Variants in SGSM2 observed in about 807,000 individuals in gnomAD.
SGSM2 encodes the protein RUN and TBC1 domain containing 1.
Under a neutral mutation model 126.6 loss-of-function variants are expected in SGSM2, and 89 were observed. The observed-to-expected ratio is 0.70, with a 90% confidence interval of 0.59 to 0.84. SGSM2 has a LOEUF of 0.84. SGSM2 is among the 40% of genes least tolerant of loss of function. The pLI, the probability that SGSM2 is intolerant of heterozygous loss-of-function variation, is 0.00. For missense variants in SGSM2, 1,404 were observed against 1,416.6 expected, an observed-to-expected ratio of 0.99 and a Z score of 0.14; for synonymous variants, 614 against 574.3, an observed-to-expected ratio of 1.07 and a Z score of -0.99.
At chr17:2,354,928 G>A (rs1331742604) in intron 2 of SGSM2, among the ~76,000 whole-genome samples, 2 of 140,254 alleles carry the variant, frequency 1.4e-5, no homozygotes, top group Non-Finnish European at 3.0e-5. Context: ...GTGGAATCGG[G>A]GTGTAAGCGT....
At chr17:2,352,875 T>C (rs1460946861) in intron 2 of SGSM2, among the ~76,000 whole-genome samples, 1 of 133,644 alleles carries the variant, frequency 7.5e-6, no homozygotes, top group African/African-American at 3.0e-5. Context: ...CCTCCCGGGT[T>C]CACGCCATTC....
At chr17:2,339,331 G>C (rs1434058286) in intron 1 of SGSM2, among the ~76,000 whole-genome samples, 1 of 152,092 alleles carries the variant, frequency 6.6e-6, no homozygotes, top group African/African-American at 2.4e-5. Context: ...AGCTACTCGG[G>C]AGGCTGTGGC....
At chr17:2,378,076 C>A in intron 22 of SGSM2, 123 bp downstream of exon 22, 1 of 606,326 alleles carries the variant, frequency 1.6e-6, no homozygotes, top group Non-Finnish European at 2.9e-6. Context: ...TAAAACCTGC[C>A]AGAACCCTGG....
At chr17:2,371,884 T>A in intron 13 of SGSM2, 1 of 455,128 alleles carries the variant, frequency 2.2e-6, no homozygotes, top group African/African-American at 2.0e-5. Flanking sequence ...GTCTTCCGTT[T>A]ATTAATCCTG....
At chr17:2,345,041 C>T (rs1000243493) in intron 2 of SGSM2, among the ~76,000 whole-genome samples, 4 of 152,024 alleles carry the variant, frequency 2.6e-5, no homozygotes, top group African/African-American at 9.7e-5. Flanking sequence ...TTCCCCAGTT[C>T]TTTGAGATGG....
intron 21 of SGSM2, 48 bp downstream of exon 21, chr17:2,377,116 T>C (rs1034914984): frequency 1.2e-5 from 14 of 1,206,188 alleles, no homozygotes; most frequent in Non-Finnish European, 1.6e-5. Context: ...AGTGCTGGGC[T>C]GGTCCATCGT....
chr17:2,373,172 C>T (rs2065959925), intron 16 of SGSM2, 91 bp downstream of exon 16: 1 of 1,569,086 alleles, frequency 6.4e-7, no homozygotes, highest in African/African-American at 1.4e-5. Flanking sequence ...CAGCCCCTTC[C>T]CAGCCGGAAA....
intron 17 of SGSM2, chr17:2,375,280 G>A (rs954331359): frequency 1.7e-5 from 9 of 544,008 alleles, no homozygotes; most frequent in Middle Eastern, 9.8e-4. Context: ...GGCTGAAGAC[G>A]TGTCTTCATG....
chr17:2,362,734 C>CT lies in SGSM2; in HGVS notation c.459-103dup. On this transcript the variant is annotated intron_variant, in intron 4 of 23. Coordinates refer to ENST00000268989, the MANE Select transcript of SGSM2 (RefSeq NM_014853.3). This position sits in a 1 kb window ranked among gnomAD's most constrained non-coding sequence, Gnocchi z 4.9. ...CTAAGGACTCACTGTTTCTTGATGA[C>CT]TGATCTGAATCTGGTCTTTGTGGGG... is the stretch of plus-strand genomic sequence containing the variant. 1 of 1,153,190 alleles carries CT rather than the reference C, an allele frequency of 8.7e-7. No individual in the cohort carries two copies. The highest frequency in any genetic ancestry group is 1.3e-6 in the Non-Finnish European group (1 of 785,070). 71.4% of individuals were successfully genotyped at this position (1,153,190 alleles called of 1,614,324 possible). A position where few individuals can be genotyped will look rare whatever the true frequency, so the allele number is the denominator to read the frequency against.
chr17:2,359,005 G>T (rs2065200665), intron 2 of SGSM2, among the ~76,000 whole-genome samples: 1 of 151,498 alleles, frequency 6.6e-6, no homozygotes, highest in Non-Finnish European at 1.5e-5. Flanking sequence ...AGCCTCCCAG[G>T]TAGCTGGGAC....
chr17:2,357,741 G>A (rs2065139911), intron 2 of SGSM2, among the ~76,000 whole-genome samples: 1 of 152,170 alleles, frequency 6.6e-6, no homozygotes, highest in African/African-American at 2.4e-5. Context: ...CAGGTGATCC[G>A]CCCACCTCGC....
Position 2,361,812 on chromosome 17 carries a change from C to T in SGSM2, c.296+13C>T, listed in dbSNP as rs754338750. On this transcript the variant is annotated intron_variant, in intron 3 of 23. Coordinates refer to ENST00000268989, the MANE Select transcript of SGSM2 (RefSeq NM_014853.3). Reference sequence around the variant, plus strand: ...AAGCAGAGGGCAGGTGAGCCCTGGGCCAGCCCCTTCTTCCCTCCTTTCAGC... The same window carrying T: ...AAGCAGAGGGCAGGTGAGCCCTGGGTCAGCCCCTTCTTCCCTCCTTTCAGC... 1.9e-6 allele frequency: 3 copies of T among 1,586,278 alleles called. No homozygotes were observed. Among genetic ancestry groups the T allele is most frequent in the Non-Finnish European group, 8.6e-7 (1 of 1,166,712 alleles).
At chr17:2,354,734 A>G (rs1393758340) in intron 2 of SGSM2, among the ~76,000 whole-genome samples, 1 of 152,276 alleles carries the variant, frequency 6.6e-6, no homozygotes, top group East Asian at 1.9e-4. Flanking sequence ...CCAGCAATAT[A>G]TGAATGGATT....
Position 2,362,245 on chromosome 17 carries a change from G to C in SGSM2, c.433G>C (p.Val145Leu), listed in dbSNP as rs759881235. 2 of 1,612,652 alleles carry C rather than the reference G, an allele frequency of 1.2e-6. No homozygotes were observed. The highest frequency in any genetic ancestry group is 1.7e-6 in the Non-Finnish European group (2 of 1,179,534). The change falls in exon 4 of 24, where the codon GTG becomes CTG. Residue 145 changes from valine to leucine, a missense_variant. Transcript: ENST00000268989. The surrounding 1 kb of genome is among the most constrained non-coding windows in gnomAD (Gnocchi z 4.9). ...CATCGAGAAAGTTCTGGACAAGGTC[G>C]TGCAATACCTGGCGGAAAACTGCAG... is the stretch of plus-strand genomic sequence containing the variant. ...ALIEKVLDKV[V>L]QYLAENCSKY...
chr17:2,363,498 G>C lies in SGSM2; in HGVS notation c.706G>C (p.Glu236Gln), dbSNP rs1179737446. 6.2e-7 allele frequency: 1 copy of C among 1,613,400 alleles called. No homozygotes were observed. Among genetic ancestry groups the C allele is most frequent in the African/African-American group, 1.3e-5 (1 of 74,946 alleles). The change falls in exon 7 of 24, where the codon GAG becomes CAG. Residue 236 changes from glutamate to glutamine, a missense_variant. Coordinates refer to ENST00000268989, the MANE Select transcript of SGSM2 (RefSeq NM_014853.3). The surrounding 1 kb of genome is among the most constrained non-coding windows in gnomAD (Gnocchi z 4.2). ...RKRHSSGSAS[E>Q]DRLAACAREC... The stretch of plus-strand genomic sequence containing the variant: ...ACGGCACTCAAGCGGCAGCGCGTCG[G>C]AGGACAGGCTGGCTGCCTGTGCCCG...
Position 2,375,874 on chromosome 17 carries a change from C to T in SGSM2, c.2483C>T (p.Thr828Ile). 1 of 1,519,104 alleles carries T rather than the reference C, an allele frequency of 6.6e-7. No homozygotes were observed. The highest frequency in any genetic ancestry group is 1.4e-5 in the African/African-American group (1 of 72,318). 94.1% of individuals were successfully genotyped at this position (1,519,104 alleles called of 1,614,324 possible). Residue 828 changes from threonine to isoleucine, a missense_variant and splice_region_variant, in exon 18 of 24, where the codon ACT becomes ATT. Physicochemically the swap from Thr to Ile is moderately conservative, Grantham distance 89. Transcript: ENST00000268989. ...GCGGCTGTGTGTGCGGCTGCCTACACTGTGCGTACATGCTCCCCAGGCTGT... is the reference window on the plus strand; with the variant it reads ...GCGGCTGTGTGTGCGGCTGCCTACATTGTGCGTACATGCTCCCCAGGCTGT... ...ELAAVCAAAY[T>I]IELLDTVALN...
chr17:2,340,616 G>A (rs531677385), intron 1 of SGSM2, among the ~76,000 whole-genome samples: 6 of 147,434 alleles, frequency 4.1e-5, no homozygotes, highest in African/African-American at 7.6e-5. Context: ...ATGGAGTCTC[G>A]CTCTGTTGCC....
In SGSM2 at chr17:2,375,484, C is replaced by T. The variant is rs1163842504; in HGVS notation, c.2101-8C>T. 5 of 1,597,830 alleles carry T rather than the reference C, an allele frequency of 3.1e-6. No homozygotes were observed. In the South Asian group the frequency reaches 3.4e-5, roughly 11 times the overall value. ...TGCAGGTGGAGCCGCCCTGTGTTCA[C>T]CCCCCAGGTGTTTATCTCAGTGGAT... On this transcript the variant is annotated splice_polypyrimidine_tract_variant and splice_region_variant and intron_variant, in intron 17 of 23. Transcript: ENST00000268989.
chr17:2,352,143 C>A (rs2064881365), intron 2 of SGSM2, among the ~76,000 whole-genome samples: 1 of 152,196 alleles, frequency 6.6e-6, no homozygotes, highest in African/African-American at 2.4e-5. Flanking sequence ...ATACTTGATG[C>A]TTCTTCTCCT....
Sources: allele counts gnomAD v4.1 joint callset (sites outside exome capture counted in the v4.1 genomes callset), GRCh38; gene constraint gnomAD v4.1.1; non-coding constraint Gnocchi (gnomAD v3.1); transcripts MANE v1.5; gene names NCBI Gene and HGNC (gene_info 2026-07-23, HGNC 2026-07-21).